Variants in SEMA4F observed in about 807,000 individuals in gnomAD.
The protein encoded by SEMA4F is ssemaphorin 4F, also known as semaphorin-4F.
SEMA4F carries 51 observed loss-of-function variants against 78.4 expected under a neutral mutation model. That is an observed-to-expected ratio of 0.65 (90% CI 0.52 to 0.82). The LOEUF (loss-of-function observed/expected upper bound fraction) is 0.82, where lower values mean the gene tolerates loss of function less well. Among genes scored for constraint, SEMA4F ranks in the 40% least tolerant of loss-of-function variants. The probability of loss-of-function intolerance (pLI) is 0.00; values close to 1 mark genes in which losing one functional copy is unlikely to be tolerated. For synonymous variants in SEMA4F, 418 were observed against 408.7 expected (o/e 1.02, Z -0.27); for missense variants, 938 against 1,014.4 (o/e 0.92, Z 1.02).
the SEMA4F span, among the ~76,000 whole-genome samples, chr2:74,708,389 G>C: frequency 6.6e-6 from 1 of 152,100 alleles, no homozygotes; most frequent in Non-Finnish European, 1.5e-5. Context: ...CTTCCTTGCT[G>C]GGGTGATGTG....
At chr2:74,698,193 T>A in the SEMA4F span, among the ~76,000 whole-genome samples, 1 of 152,142 alleles carries the variant, frequency 6.6e-6, no homozygotes, top group Non-Finnish European at 1.5e-5. Context: ...TGGGAAATAA[T>A]CCAGTTAAAT....
intron 12 of SEMA4F, among the ~76,000 whole-genome samples, chr2:74,678,637 T>G (rs1175942494): frequency 6.6e-6 from 1 of 152,176 alleles, no homozygotes; most frequent in African/African-American, 2.4e-5. Flanking sequence ...AGTTCAGCAG[T>G]GAGCAGTCCA....
At chr2:74,691,698 T>C in the SEMA4F span, among the ~76,000 whole-genome samples, 9 of 152,202 alleles carry the variant, frequency 5.9e-5, no homozygotes, top group Non-Finnish European at 1.0e-4. Context: ...ATGAGCATAA[T>C]GTAAAGTTTT....
chr2:74,659,314 G>A (rs1388428325), intron 4 of SEMA4F, among the ~76,000 whole-genome samples: 1 of 152,216 alleles, frequency 6.6e-6, no homozygotes, highest in Non-Finnish European at 1.5e-5. Context: ...CTTATAGACA[G>A]TGTGATTGTT....
chr2:74,691,068 G>A, the SEMA4F span, among the ~76,000 whole-genome samples: 2 of 152,316 alleles, frequency 1.3e-5, no homozygotes, highest in East Asian at 3.9e-4. Context: ...AGATGAGGAA[G>A]GCGAAGTTCA....
At chr2:74,704,674 G>C in the SEMA4F span, among the ~76,000 whole-genome samples, 1 of 152,068 alleles carries the variant, frequency 6.6e-6, no homozygotes, top group East Asian at 1.9e-4. Context: ...AGTGGAAACT[G>C]TAACTTGCCT....
chr2:74,665,096 T>C (rs906225365), intron 5 of SEMA4F, among the ~76,000 whole-genome samples: 3 of 152,154 alleles, frequency 2.0e-5, no homozygotes, highest in African/African-American at 7.2e-5. Flanking sequence ...AATTTTTACC[T>C]ATATTTTTGG....
intron 5 of SEMA4F, among the ~76,000 whole-genome samples, chr2:74,665,816 A>C (rs1684662993): frequency 6.6e-6 from 1 of 152,110 alleles, no homozygotes; most frequent in Non-Finnish European, 1.5e-5. Context: ...TTGAGTCTAT[A>C]AAATTGTTTA....
At chr2:74,691,388 G>A in the SEMA4F span, among the ~76,000 whole-genome samples, 1 of 152,168 alleles carries the variant, frequency 6.6e-6, no homozygotes, top group East Asian at 1.9e-4. Context: ...AGAGGTCTGG[G>A]AGTTGTTCGG....
In SEMA4F at chr2:74,675,277, A is replaced by G. The variant is rs1308977352; in HGVS notation, c.1265A>G (p.Asp422Gly). The change falls in exon 10 of 14, where the codon GAT (aspartate) becomes GGT (glycine). Residue 422 changes from aspartate to glycine, a missense_variant. Transcript: ENST00000357877. ...PLMDRPVFPA[D>G]GHPLLVTTDT... is the part of the protein sequence containing the mutation. ...ATGGACAGGCCAGTGTTTCCAGCTGATGGCCACCCCCTGCTGGTCACTACA... is the reference window on the plus strand; with the variant it reads ...ATGGACAGGCCAGTGTTTCCAGCTGGTGGCCACCCCCTGCTGGTCACTACA... 4 of 1,614,144 alleles carry G rather than the reference A, an allele frequency of 2.5e-6. No homozygotes were observed. The highest frequency in any genetic ancestry group is 2.5e-6 in the Non-Finnish European group (3 of 1,180,018).
intron 7 of SEMA4F, 43 bp downstream of exon 7, chr2:74,673,871 G>A (rs976815086): frequency 6.3e-7 from 1 of 1,587,806 alleles, no homozygotes; most frequent in South Asian, 1.1e-5. Flanking sequence ...CTCCTGCTCT[G>A]TCTGTCCCCC....
At chr2:74,690,440 A>G in the SEMA4F span, among the ~76,000 whole-genome samples, 1 of 152,134 alleles carries the variant, frequency 6.6e-6, no homozygotes, top group South Asian at 2.1e-4. Flanking sequence ...GGGGAAGGAG[A>G]ATAAGTGAAG....
Position 74,675,383 on chromosome 2 carries a change from A to G in SEMA4F, c.1371A>G (p.Thr457=). ...GKEYDVLYLG[T]EDGHLHRAVR... ...AGTATGATGTGCTCTACCTGGGGAC[A>G]GGTATATTTAATGGTCAAGCAGGCT... Residue 457 remains threonine, a splice_region_variant and synonymous_variant, in exon 10 of 14, where the codon ACA becomes ACG. Coordinates refer to ENST00000357877, the MANE Select transcript of SEMA4F (RefSeq NM_004263.5). 1 of 1,612,926 alleles carries G rather than the reference A, an allele frequency of 6.2e-7. No homozygotes were observed. Among genetic ancestry groups the G allele is most frequent in the Non-Finnish European group, 8.5e-7 (1 of 1,179,342 alleles).
Position 74,654,517 on chromosome 2 carries a change from C to T in SEMA4F, c.141C>T (p.Ile47=), listed in dbSNP as rs759086627. The T allele has an allele frequency of 6.4e-7, 1 of 1,563,524 alleles. No homozygotes were observed. The highest frequency in any genetic ancestry group is 8.6e-7 in the Non-Finnish European group (1 of 1,157,596). ...PRSVPRTSLP[I]SEADSCLTRF... is the part of the protein sequence containing the mutation. ...CGGTGCCCAGAACCTCGCTTCCAAT[C>T]TCTGGTAAGGCGCGGACGCCCACGC... The change falls in exon 1 of 14, where the codon ATC becomes ATT. Residue 47 remains isoleucine, a synonymous_variant. Coordinates refer to ENST00000357877, the MANE Select transcript of SEMA4F (RefSeq NM_004263.5).
chr2:74,694,767 G>GTA, the SEMA4F span, among the ~76,000 whole-genome samples: 36 of 152,380 alleles, frequency 2.4e-4, no homozygotes, highest in Non-Finnish European at 3.8e-4. Flanking sequence ...GCTAGTTGCT[G>GTA]TAGGGAATAC....
At chr2:74,669,965 C>T (rs1370274277) in intron 5 of SEMA4F, among the ~76,000 whole-genome samples, 1 of 152,078 alleles carries the variant, frequency 6.6e-6, no homozygotes, top group Non-Finnish European at 1.5e-5. Context: ...CTTTCCTATG[C>T]TTGCAGGCAT....
At chr2:74,706,194 G>A in the SEMA4F span, among the ~76,000 whole-genome samples, 13 of 151,976 alleles carry the variant, frequency 8.6e-5, no homozygotes, top group Non-Finnish European at 1.9e-4. Context: ...TAATTGCATG[G>A]GATATTATGT....
At chr2:74,667,847 G>C (rs1247687354) in intron 5 of SEMA4F, among the ~76,000 whole-genome samples, 2 of 152,124 alleles carry the variant, frequency 1.3e-5, no homozygotes, top group African/African-American at 4.8e-5. Context: ...TGTGATCTCA[G>C]TGAGCCCATG....
Position 74,657,901 on chromosome 2 carries a change from C to T in SEMA4F, c.406C>T (p.His136Tyr), listed in dbSNP as rs943841491. The change falls in exon 4 of 14, where the codon CAC (histidine) becomes TAC (tyrosine). Residue 136 changes from histidine (H) to tyrosine (Y), a missense_variant. Transcript: ENST00000357877. ...GATTCTCGCCATTGCCAATGCCTCT[C>T]ACCTCCTCACTTGTGGCACCTTCGC... ...VQILAIANAS[H>Y]LLTCGTFAFD... The T allele has an allele frequency of 6.2e-7, 1 of 1,614,266 alleles. No individual in the cohort carries two copies. The highest frequency in any genetic ancestry group is 8.5e-7 in the Non-Finnish European group (1 of 1,180,046).
Sources: gnomAD v4.1 joint callset for allele counts (sites outside exome capture counted in the v4.1 genomes callset) on GRCh38, gnomAD v4.1.1 for gene constraint, MANE v1.5 for transcripts, NCBI Gene and HGNC (gene_info 2026-07-23, HGNC 2026-07-21) for gene names.